SOX6: variants seen among roughly 807,000 people sequenced by gnomAD.
SOX6 encodes transcription factor SOX-6.
In SOX6, 11 loss-of-function variants were observed where a neutral mutation model predicts 97.8. The observed-to-expected ratio is 0.11, with a 90% CI of 0.07 to 0.19. SOX6 has a LOEUF of 0.19. Ranked by LOEUF, SOX6 falls within the 10% of genes least tolerant of loss-of-function variation. The pLI is 1.00. For missense variants in SOX6, 810 were observed against 1,039.5 expected, an observed-to-expected ratio of 0.78 and a Z score of 3.04; for synonymous variants, 360 against 371.4, an observed-to-expected ratio of 0.97 and a Z score of 0.35.
chr11:16,725,636 G>C (rs1848301091), intron 2 of SOX6, among the ~76,000 whole-genome samples: 1 of 152,172 alleles, frequency 6.6e-6, no homozygotes, highest in South Asian at 2.1e-4. Flanking sequence ...GCCTGGGGTT[G>C]GGGGTGATGA....
chr11:16,099,852 C>T (rs569774737), intron 7 of SOX6, among the ~76,000 whole-genome samples: 7 of 151,656 alleles, frequency 4.6e-5, no homozygotes, highest in Non-Finnish European at 1.0e-4. Flanking sequence ...ACATTTTTAA[C>T]TTTTATCCTT....
chr11:16,409,673 CAA>C (rs1320044093), intron 1 of SOX6, among the ~76,000 whole-genome samples: 1 of 151,648 alleles, frequency 6.6e-6, no homozygotes, highest in Non-Finnish European at 1.5e-5. Flanking sequence ...GAAAATCTAC[CAA>C]TAATACCATA....
At chr11:16,565,252 A>G (rs537720427) in intron 4 of SOX6, among the ~76,000 whole-genome samples, 2 of 152,298 alleles carry the variant, frequency 1.3e-5, no homozygotes, top group South Asian at 4.1e-4. Context: ...CAATTCACTC[A>G]ATATGAAATG....
chr11:16,575,465 T>C (rs1311313501), intron 4 of SOX6, among the ~76,000 whole-genome samples: 1 of 152,202 alleles, frequency 6.6e-6, no homozygotes, highest in Admixed American at 6.5e-5. Flanking sequence ...ATAGCAGCAT[T>C]GTTCATAATA....
intron 3 of SOX6, among the ~76,000 whole-genome samples, chr11:16,265,416 G>T (rs932116896): frequency 2.6e-5 from 4 of 151,688 alleles, no homozygotes; most frequent in African/African-American, 4.8e-5. Flanking sequence ...GCCTTATCCT[G>T]CTTGGAAACT....
At chr11:16,517,960 A>C (rs987702414) in intron 4 of SOX6, among the ~76,000 whole-genome samples, 1 of 152,150 alleles carries the variant, frequency 6.6e-6, no homozygotes, top group Non-Finnish European at 1.5e-5. Context: ...CTAAACTTCT[A>C]AACAGCCTAA....
intron 1 of SOX6, among the ~76,000 whole-genome samples, chr11:16,437,115 A>T (rs1859391331): frequency 6.6e-6 from 1 of 151,846 alleles, no homozygotes. Flanking sequence ...AAAAAAAAAA[A>T]AATAGCCAGC....
intron 1 of SOX6, among the ~76,000 whole-genome samples, chr11:16,367,485 C>A (rs2134386958): frequency 6.6e-6 from 1 of 152,250 alleles, no homozygotes; most frequent in East Asian, 1.9e-4. Context: ...CACATTTTCT[C>A]CCTTGGGGCT....
chr11:16,629,918 G>T (rs949783697), intron 3 of SOX6, among the ~76,000 whole-genome samples: 3 of 152,090 alleles, frequency 2.0e-5, no homozygotes, highest in Admixed American at 6.6e-5. Flanking sequence ...TGGATATTTT[G>T]TATTTATGTG....
At chr11:16,032,607 A>T (rs1273110076) in intron 12 of SOX6, among the ~76,000 whole-genome samples, 1 of 151,908 alleles carries the variant, frequency 6.6e-6, no homozygotes, top group Non-Finnish European at 1.5e-5. Context: ...CACTACCATC[A>T]TTATCCTTTA....
chr11:16,189,020 G>A (rs1343365928), intron 4 of SOX6, among the ~76,000 whole-genome samples: 1 of 152,110 alleles, frequency 6.6e-6, no homozygotes, highest in African/African-American at 2.4e-5. Flanking sequence ...CCAAGGCCAT[G>A]CCACTGCACT....
intron 4 of SOX6, among the ~76,000 whole-genome samples, chr11:16,228,991 C>G (rs192233985): frequency 2.0e-5 from 3 of 152,110 alleles, no homozygotes; most frequent in African/African-American, 7.2e-5. Context: ...TCTATTATTT[C>G]TTAAATATGT....
chr11:15,999,919 T>C (rs866562387), intron 13 of SOX6, among the ~76,000 whole-genome samples: 1 of 152,132 alleles, frequency 6.6e-6, no homozygotes, highest in South Asian at 2.1e-4. Flanking sequence ...CCGAATGCAT[T>C]AGAAACAAAA....
At chr11:16,452,812 G>T (rs191259005) in intron 1 of SOX6, among the ~76,000 whole-genome samples, 1 of 152,240 alleles carries the variant, frequency 6.6e-6, no homozygotes, top group Admixed American at 6.5e-5. Context: ...AGAAAGGGAA[G>T]AAGCCCAGGA....
intron 6 of SOX6, among the ~76,000 whole-genome samples, chr11:16,157,724 C>T (rs1850639721): frequency 6.6e-6 from 1 of 152,000 alleles, no homozygotes; most frequent in African/African-American, 2.4e-5. Context: ...CACACTTGTA[C>T]TTGTTCACTT....
chr11:16,699,539 G>C (rs1848077843), intron 3 of SOX6, among the ~76,000 whole-genome samples: 1 of 152,090 alleles, frequency 6.6e-6, no homozygotes, highest in Non-Finnish European at 1.5e-5. Flanking sequence ...ATTCTGCTCT[G>C]ATGATTCCTA....
At chr11:16,132,315 GAAGGAAGGAAGGAAGGAAAGAAA>G (rs1821103736) in intron 6 of SOX6, among the ~76,000 whole-genome samples, 1 of 106,262 alleles carries the variant, frequency 9.4e-6, no homozygotes, top group Non-Finnish European at 1.9e-5. Flanking sequence ...AGGAAGGAAG[GAAGGAAGGAAGGAAGGAAAGAAA>G]AAAGAAAGAA....
intron 3 of SOX6, among the ~76,000 whole-genome samples, chr11:16,685,395 T>C (rs1007607806): frequency 3.3e-5 from 5 of 152,148 alleles, no homozygotes; most frequent in African/African-American, 1.2e-4. Context: ...TAAGATACAA[T>C]GGGAGTATTG....
At chr11:16,598,428 A>AC (rs1265469450) in intron 4 of SOX6, among the ~76,000 whole-genome samples, 1 of 152,070 alleles carries the variant, frequency 6.6e-6, no homozygotes, top group East Asian at 1.9e-4. Context: ...AGTTTTATCA[A>AC]CAACCTGCTT....
Sources: gnomAD v4.1 joint callset for allele counts (sites outside exome capture counted in the v4.1 genomes callset) on GRCh38, gnomAD v4.1.1 for gene constraint, MANE v1.5 for transcripts, NCBI Gene and HGNC (gene_info 2026-07-23, HGNC 2026-07-21) for gene names.